Variants in SYT1 observed in about 807,000 individuals in gnomAD.
SYT1 encodes the protein synaptotagmin 1.
A neutral mutation model predicts 44.8 loss-of-function variants in SYT1; 8 were observed. The observed-to-expected ratio is 0.18, with a 90% CI of 0.10 to 0.32. SYT1 has a LOEUF of 0.32. Among genes scored for constraint, SYT1 ranks in the 10% least tolerant of loss-of-function variants. The pLI, the probability that SYT1 is intolerant of heterozygous loss-of-function variation, is 1.00. For missense variants in SYT1, 286 were observed against 509.3 expected (o/e 0.56, Z 4.22); for synonymous variants, 154 against 188.8 (o/e 0.82, Z 1.51).
intron 1 of SYT1, among the ~76,000 whole-genome samples, chr12:78,882,518 A>G (rs1874513882): frequency 6.6e-6 from 1 of 151,736 alleles, no homozygotes; most frequent in African/African-American, 2.4e-5. Flanking sequence ...GTTTTTTCAT[A>G]TTATAGTAGT....
At chr12:79,033,795 G>C (rs921537959) in intron 2 of SYT1, among the ~76,000 whole-genome samples, 3 of 151,146 alleles carry the variant, frequency 2.0e-5, no homozygotes, top group African/African-American at 7.3e-5. Context: ...TGGCTATTTG[G>C]GTTAACATGG....
In SYT1 at chr12:79,349,045, G is replaced by GAAAGAAAGAA. The variant is rs1565919961; in HGVS notation, c.811-4455_811-4446dup. On this transcript the variant is annotated intron_variant, in intron 8 of 10. Coordinates refer to ENST00000261205, the MANE Select transcript of SYT1 (RefSeq NM_005639.3). ...AAAGAAAGAAAGAAAAAGAAAGAAAGAAAGAAAGAAAGGAGGGAGGGAGGG... is the reference window on the plus strand; with the variant it reads ...AAAGAAAGAAAGAAAAAGAAAGAAAGAAAGAAAGAAAAAGAAAGAAAGGAGGGAGGGAGGG... 5.7e-3 allele frequency among the ~76,000 whole-genome samples: 657 copies of GAAAGAAAGAA among 115,778 alleles called. 8 individuals carry two copies. The highest frequency in any genetic ancestry group is 0.019 in the African/African-American group (587 of 30,152). The allele number at this position is 115,778 out of a possible 152,430, so 76.0% of individuals were successfully genotyped here. A position where few individuals can be genotyped will look rare whatever the true frequency, so the allele number is the denominator to read the frequency against.
chr12:78,954,461 G>A (rs1174616806), intron 1 of SYT1, among the ~76,000 whole-genome samples: 1 of 151,980 alleles, frequency 6.6e-6, no homozygotes, highest in Non-Finnish European at 1.5e-5. Context: ...TTAAGTGACA[G>A]TCTTCAGAAT....
chr12:79,253,428 C>T (rs75206381), intron 4 of SYT1, among the ~76,000 whole-genome samples: 1,546 of 149,918 alleles, frequency 0.01, 20 homozygotes, highest in Middle Eastern at 0.045. Context: ...AGACAGTAAA[C>T]GTAATCCATA....
In SYT1 at chr12:78,977,926, A is replaced by G. The variant is rs1365850797; in HGVS notation, c.-89A>G. 6.6e-6 allele frequency: 1 copy of G among 152,212 alleles called. No individual in the cohort carries two copies. The highest frequency in any genetic ancestry group is 1.5e-5 in the Non-Finnish European group (1 of 68,048). The allele number at this position is 152,212 out of a possible 1,614,324, so 9.4% of individuals were successfully genotyped here. ...CTGGAAATTGCACTGGAACTGTCTGATTAAGGTATTTGGAAAAAACAAATT... is the reference window on the plus strand; with the variant it reads ...CTGGAAATTGCACTGGAACTGTCTGGTTAAGGTATTTGGAAAAAACAAATT... On this transcript the variant is annotated 5_prime_UTR_variant, in exon 2 of 11. Coordinates refer to ENST00000261205, the MANE Select transcript of SYT1 (RefSeq NM_005639.3).
chr12:79,216,898 G>A (rs984558171), intron 3 of SYT1, among the ~76,000 whole-genome samples: 12 of 151,950 alleles, frequency 7.9e-5, no homozygotes, highest in Non-Finnish European at 1.5e-5. Context: ...TCAGAGTATT[G>A]TTTACAATAA....
chr12:78,926,988 T>C (rs184521288), intron 1 of SYT1, among the ~76,000 whole-genome samples: 1 of 152,256 alleles, frequency 6.6e-6, no homozygotes, highest in East Asian at 1.9e-4. Context: ...TTAATAGATA[T>C]CCAGTTTTAC....
At chr12:79,016,909 TACTA>T (rs1167618929) in intron 2 of SYT1, among the ~76,000 whole-genome samples, 3 of 152,172 alleles carry the variant, frequency 2.0e-5, no homozygotes, top group East Asian at 1.9e-4. Context: ...CTCCACTATG[TACTA>T]ACTATGATGA....
At chr12:79,089,410 T>C (rs533133780) in intron 3 of SYT1, among the ~76,000 whole-genome samples, 49 of 151,842 alleles carry the variant, frequency 3.2e-4, no homozygotes, top group African/African-American at 1.2e-3. Flanking sequence ...TAAATTCTGC[T>C]GTGTTTTATT....
At chr12:78,903,167 A>G (rs1875757650) in intron 1 of SYT1, among the ~76,000 whole-genome samples, 2 of 152,128 alleles carry the variant, frequency 1.3e-5, no homozygotes, top group South Asian at 2.1e-4. Flanking sequence ...TTATCTTTCA[A>G]ATAAATGTAG....
chr12:79,121,605 T>A lies in SYT1; in HGVS notation c.-18+74243T>A, dbSNP rs964455632. Among the ~76,000 whole-genome samples, 27 of 152,176 alleles carry A rather than the reference T, an allele frequency of 1.8e-4. 1 individual carries two copies. The highest frequency in any genetic ancestry group is 2.9e-5 in the Non-Finnish European group (2 of 68,036). On this transcript the variant is annotated intron_variant, in intron 3 of 10. Coordinates refer to ENST00000261205, the MANE Select transcript of SYT1 (RefSeq NM_005639.3). Reference sequence around the variant, plus strand: ...ACAATCACCCCCTCACCCCATAACCTGCTCCCATGCCCATTTCTTAGTGTG... The same window carrying A: ...ACAATCACCCCCTCACCCCATAACCAGCTCCCATGCCCATTTCTTAGTGTG...
chr12:79,292,433 CCTT>C (rs976835764), intron 6 of SYT1, among the ~76,000 whole-genome samples: 18 of 152,206 alleles, frequency 1.2e-4, no homozygotes, highest in African/African-American at 4.1e-4. Context: ...CACAGTCTCA[CCTT>C]CTCAGCTTCC....
chr12:79,141,260 A>G (rs978491576), intron 3 of SYT1, among the ~76,000 whole-genome samples: 8 of 151,892 alleles, frequency 5.3e-5, no homozygotes, highest in Non-Finnish European at 8.8e-5. Context: ...TTGTCTGTTA[A>G]TTTTTTTCCT....
chr12:79,179,054 A>C (rs185518270), intron 3 of SYT1, among the ~76,000 whole-genome samples: 3 of 45,062 alleles, frequency 6.7e-5, no homozygotes, highest in Admixed American at 2.8e-4. Flanking sequence ...ATAGATATAT[A>C]GATATAGATA....
At chr12:79,086,127 A>G (rs1471385641) in intron 3 of SYT1, among the ~76,000 whole-genome samples, 1 of 152,164 alleles carries the variant, frequency 6.6e-6, no homozygotes, top group African/African-American at 2.4e-5. Flanking sequence ...AAAAGAATCT[A>G]GAACATAAAG....
intron 9 of SYT1, among the ~76,000 whole-genome samples, chr12:79,417,791 C>A (rs150367126): frequency 8.6e-5 from 13 of 151,696 alleles, no homozygotes; most frequent in Non-Finnish European, 1.9e-4. Flanking sequence ...AGTATCCCCC[C>A]ACTCCCACCC....
chr12:79,230,035 A>C (rs980920987), intron 4 of SYT1, among the ~76,000 whole-genome samples: 6 of 152,218 alleles, frequency 3.9e-5, no homozygotes, highest in South Asian at 2.1e-4. Context: ...CATCCTGTAA[A>C]GTGTGGGACA....
chr12:79,389,929 CT>C lies in SYT1; in HGVS notation c.928+36322del, dbSNP rs533704755. Among the ~76,000 whole-genome samples, 1,101 of 145,656 alleles carry C rather than the reference CT, an allele frequency of 7.6e-3. 16 individuals carry two copies. The highest frequency in any genetic ancestry group is 0.074 in the South Asian group (342 of 4,594). On this transcript the variant is annotated intron_variant, in intron 9 of 10. Transcript: ENST00000261205. ...CACTACTTGTTTGTTTCCAATAATT[CT>C]TTTTTTTTTTTCTTTTTTTTGAGAC...
intron 1 of SYT1, among the ~76,000 whole-genome samples, chr12:78,969,742 A>T (rs1461847251): frequency 6.6e-6 from 1 of 152,208 alleles, no homozygotes; most frequent in Non-Finnish European, 1.5e-5. Context: ...GTAAGTTATC[A>T]TCAGAGCAAA....
Sources: gnomAD v4.1 joint callset for allele counts (sites outside exome capture counted in the v4.1 genomes callset) on GRCh38, gnomAD v4.1.1 for gene constraint, MANE v1.5 for transcripts, NCBI Gene and HGNC (gene_info 2026-07-23, HGNC 2026-07-21) for gene names.